BBS4: variants seen among roughly 807,000 people sequenced by gnomAD.
BBS4 encodes the protein BBSome complex member BBS4.
In BBS4, 58 loss-of-function variants were observed where a neutral mutation model predicts 71.4. That is an observed-to-expected ratio of 0.81 (90% CI 0.66 to 1.01). The LOEUF (loss-of-function observed/expected upper bound fraction) is 1.01. Among genes scored for constraint, BBS4 ranks in the 50% least tolerant of loss-of-function variants. The pLI is 0.00. For synonymous variants in BBS4, 228 were observed against 216.8 expected (o/e 1.05, Z -0.46); for missense variants, 660 against 607.9 (o/e 1.09, Z -0.90).
At chr15:72,702,182 T>C (rs1175337827) in intron 2 of BBS4, among the ~76,000 whole-genome samples, 1 of 152,146 alleles carries the variant, frequency 6.6e-6, no homozygotes, top group East Asian at 1.9e-4. Flanking sequence ...CTCAGTTATG[T>C]CTAATTGACA....
At chr15:72,725,568 T>C (rs1441289532) in intron 8 of BBS4, among the ~76,000 whole-genome samples, 1 of 152,132 alleles carries the variant, frequency 6.6e-6, no homozygotes, top group Non-Finnish European at 1.5e-5. Context: ...TTCAGAGATA[T>C]TATTAGGGAC....
chr15:72,713,350 C>CACACAA (rs59650733), intron 4 of BBS4, among the ~76,000 whole-genome samples: 1 of 113,146 alleles, frequency 8.8e-6, no homozygotes, highest in Non-Finnish European at 1.9e-5. Flanking sequence ...CACACACACA[C>CACACAA]GCACACGCAC....
intron 1 of BBS4, among the ~76,000 whole-genome samples, chr15:72,688,452 C>T (rs570604823): frequency 9.8e-4 from 88 of 89,658 alleles, no homozygotes; most frequent in African/African-American, 3.2e-3. Context: ...CTCACTTTGT[C>T]GCCCTGTCTG....
intron 2 of BBS4, among the ~76,000 whole-genome samples, chr15:72,696,864 T>G (rs1022507659): frequency 6.6e-6 from 1 of 152,186 alleles, no homozygotes; most frequent in Non-Finnish European, 1.5e-5. Flanking sequence ...GTACTGGCAT[T>G]ACAGGCATGA....
chr15:72,734,015 A>C (rs893610058), intron 12 of BBS4, among the ~76,000 whole-genome samples: 2 of 152,152 alleles, frequency 1.3e-5, no homozygotes, highest in African/African-American at 2.4e-5. Flanking sequence ...GCATTTCTCT[A>C]ATCAGTGATA....
chr15:72,686,692 A>C, intron 1 of BBS4: 1 of 678,408 alleles, frequency 1.5e-6, no homozygotes, highest in Non-Finnish European at 2.2e-6. Flanking sequence ...TGTGGTGATT[A>C]AGTTTAGGAA....
chr15:72,723,115 T>C (rs944802046), intron 7 of BBS4, among the ~76,000 whole-genome samples: 1 of 152,160 alleles, frequency 6.6e-6, no homozygotes, highest in Non-Finnish European at 1.5e-5. Context: ...TCCAGTTAAA[T>C]TTCCCAGTTT....
At chr15:72,730,366 G>A (rs1474671585) in intron 10 of BBS4, among the ~76,000 whole-genome samples, 2 of 152,022 alleles carry the variant, frequency 1.3e-5, no homozygotes, top group Non-Finnish European at 2.9e-5. Flanking sequence ...GAATGCTGAG[G>A]CAGGAGGATC....
intron 6 of BBS4, among the ~76,000 whole-genome samples, chr15:72,721,067 C>A (rs2065565294): frequency 6.6e-6 from 1 of 152,108 alleles, no homozygotes; most frequent in Non-Finnish European, 1.5e-5. Flanking sequence ...TGCATGCATT[C>A]TTATAGCATG....
At chr15:72,703,089 G>C (rs541346586) in intron 2 of BBS4, among the ~76,000 whole-genome samples, 1 of 152,020 alleles carries the variant, frequency 6.6e-6, no homozygotes, top group African/African-American at 2.4e-5. Context: ...GGGATTACAG[G>C]CGTGAGCCAT....
Position 72,721,332 on chromosome 15 carries a change from C to T in BBS4, c.406-1462C>T, listed in dbSNP as rs181550622. On this transcript the variant is annotated intron_variant, in intron 6 of 15. Transcript: ENST00000268057. ...AATACGGAAACATTTGTGGATAAAA[C>T]GTTGGGCTGTTATTTGCTTACAAAA... is the stretch of plus-strand genomic sequence containing the variant. 1.5e-4 allele frequency among the ~76,000 whole-genome samples: 23 copies of T among 152,166 alleles called. No homozygotes were observed. In the East Asian group the frequency reaches 4.0e-3, roughly 27 times the overall value.
intron 13 of BBS4, 136 bp downstream of exon 13, chr15:72,735,318 T>C (rs912572628): frequency 2.8e-6 from 2 of 705,266 alleles, no homozygotes; most frequent in African/African-American, 1.8e-5. Context: ...CAGACCTCAG[T>C]GTGGAGGGAT....
At chr15:72,693,277 C>A (rs2065019284) in intron 1 of BBS4, among the ~76,000 whole-genome samples, 1 of 152,186 alleles carries the variant, frequency 6.6e-6, no homozygotes, top group South Asian at 2.1e-4. Context: ...AATTCCTTTG[C>A]TTATTCCACT....
chr15:72,729,819 G>A (rs140549831), intron 10 of BBS4, 135 bp downstream of exon 10: 19 of 734,976 alleles, frequency 2.6e-5, no homozygotes, highest in African/African-American at 1.4e-4. Flanking sequence ...TAAATAAAAG[G>A]TGGCTCTTCT....
rs537050887 is a variant in BBS4 at position 72,691,240 on chromosome 15, G to C, written c.25-3937G>C. On this transcript the variant is annotated intron_variant, in intron 1 of 15. Transcript: ENST00000268057. ...CAAGCAATTGGCCTGCCTCACATAA[G>C]TATTCTCTTTTATTTTGAGGATTAA... Among the ~76,000 whole-genome samples the C allele has an allele frequency of 8.6e-4, 131 of 152,128 alleles. 1 individual carries two copies. Among genetic ancestry groups the C allele is most frequent in the South Asian group, 1.5e-3 (7 of 4,826 alleles).
Position 72,731,572 on chromosome 15 carries a change from A to G in BBS4, c.882A>G (p.Lys294=), listed in dbSNP as rs2065824164. 1 of 1,614,030 alleles carries G rather than the reference A, an allele frequency of 6.2e-7. No individual in the cohort carries two copies. The highest frequency in any genetic ancestry group is 1.3e-5 in the African/African-American group (1 of 74,896). Residue 294 remains lysine, a synonymous_variant, in exon 12 of 16, where the codon AAA becomes AAG. Transcript: ENST00000268057. ...TCTCATAGGCCATCAGCTGCCTGAA[A>G]CGAGCCAACTACTTGGCACCCTTTG... The part of the protein sequence containing the change: ...KKYVAAISCL[K]RANYLAPFDW...
At chr15:72,729,245 CTGTTTTT>C (rs914502462) in intron 9 of BBS4, among the ~76,000 whole-genome samples, 4 of 41,838 alleles carry the variant, frequency 9.6e-5, no homozygotes, top group African/African-American at 3.6e-4. Flanking sequence ...GTTGGCCAGA[CTGTTTTT>C]TTTTTTTTTT....
chr15:72,738,016 C>T lies in BBS4; in HGVS notation c.*429C>T. ...GCCTTGGTTTAACTGAGGTGATCCT[C>T]AGGTTGTGAGGTTTATTAGTCCCCA... On this transcript the variant is annotated 3_prime_UTR_variant, in exon 16 of 16. Coordinates refer to ENST00000268057, the MANE Select transcript of BBS4 (RefSeq NM_033028.5). The T allele has an allele frequency of 2.2e-6, 1 of 454,198 alleles. No homozygotes were observed. The highest frequency in any genetic ancestry group is 1.6e-5 in the South Asian group (1 of 64,476). The allele number at this position is 454,198 out of a possible 1,614,324, so 28.1% of individuals were successfully genotyped here. A position where few individuals can be genotyped will look rare whatever the true frequency, so the allele number is the denominator to read the frequency against.
rs376591392 is a variant in BBS4 at position 72,686,912 on chromosome 15, G to T, written c.24+661G>T. On this transcript the variant is annotated intron_variant, in intron 1 of 15. Transcript: ENST00000268057. The stretch of plus-strand genomic sequence containing the variant: ...GTTTGAAAGCCTGTTCTGTCCATTT[G>T]TTAGAATGATTTTAGGTATTCGGAA... 5.9e-4 allele frequency: 150 copies of T among 252,232 alleles called. 1 individual carries two copies. Among genetic ancestry groups the T allele is most frequent in the African/African-American group, 3.2e-3 (143 of 44,420 alleles). The allele number at this position is 252,232 out of a possible 1,614,324, so 15.6% of individuals were successfully genotyped here.
Sources: allele counts gnomAD v4.1 joint callset (sites outside exome capture counted in the v4.1 genomes callset), GRCh38; gene constraint gnomAD v4.1.1; transcripts MANE v1.5; gene names NCBI Gene and HGNC (gene_info 2026-07-23, HGNC 2026-07-21).